Variants in SLC2A13 observed in about 807,000 individuals in gnomAD.
The protein encoded by SLC2A13 is solute carrier family 2 member 13, also known as proton myo-inositol cotransporter.
In SLC2A13, 32 loss-of-function variants were observed where a neutral mutation model predicts 64.4. That is an observed-to-expected ratio of 0.50 (90% CI 0.37 to 0.67). The LOEUF (loss-of-function observed/expected upper bound fraction) is 0.67, where lower values mean the gene tolerates loss of function less well. SLC2A13 is among the 30% of genes least tolerant of loss of function. The pLI is 0.00. For synonymous variants in SLC2A13, 338 were observed against 327.1 expected (o/e 1.03, Z -0.36); for missense variants, 743 against 829.2 (o/e 0.90, Z 1.28).
chr12:39,880,573 A>C (rs924870174), intron 4 of SLC2A13, among the ~76,000 whole-genome samples: 39 of 152,254 alleles, frequency 2.6e-4, no homozygotes, highest in African/African-American at 8.7e-4. Flanking sequence ...AGAAACCTGC[A>C]GAAAGTTTAC....
chr12:39,825,979 T>C (rs1249628156), intron 7 of SLC2A13, among the ~76,000 whole-genome samples: 3 of 152,182 alleles, frequency 2.0e-5, no homozygotes, highest in Admixed American at 2.0e-4. Flanking sequence ...CCAGCTAAAC[T>C]AGAAGGGGTG....
chr12:39,773,379 C>T (rs781484488), intron 7 of SLC2A13, among the ~76,000 whole-genome samples: 1 of 152,186 alleles, frequency 6.6e-6, no homozygotes, highest in African/African-American at 2.4e-5. Context: ...AATCGGTTCC[C>T]TGTTCCAATC....
At chr12:39,951,232 T>TA (rs751360540) in intron 4 of SLC2A13, 25 bp downstream of exon 4, 1 of 1,588,894 alleles carries the variant, frequency 6.3e-7, no homozygotes, top group Non-Finnish European at 8.6e-7. Context: ...ATCTTTTCAG[T>TA]AAAAAGCCAG....
intron 3 of SLC2A13, among the ~76,000 whole-genome samples, chr12:39,978,482 G>A (rs189032285): frequency 0.019 from 2,881 of 152,330 alleles, 35 homozygotes; most frequent in Middle Eastern, 0.044. Flanking sequence ...TGCGCGAGCC[G>A]AAGCAGGGCG....
At chr12:39,889,614 C>A (rs1944552698) in intron 4 of SLC2A13, among the ~76,000 whole-genome samples, 1 of 147,244 alleles carries the variant, frequency 6.8e-6, no homozygotes, top group African/African-American at 2.5e-5. Context: ...CACACCACAA[C>A]CTCTGCCTCC....
chr12:39,863,617 T>C (rs1943821318), intron 6 of SLC2A13, among the ~76,000 whole-genome samples: 2 of 152,164 alleles, frequency 1.3e-5, no homozygotes, highest in African/African-American at 4.8e-5. Context: ...GAGGCAGATG[T>C]CCAAATAAAG....
chr12:40,078,006 C>T (rs1938245212), intron 1 of SLC2A13, among the ~76,000 whole-genome samples: 1 of 152,078 alleles, frequency 6.6e-6, no homozygotes, highest in South Asian at 2.1e-4. Flanking sequence ...GATTTTGTAT[C>T]CTAAAACTTT....
chr12:39,964,663 G>A (rs888275551), intron 3 of SLC2A13, among the ~76,000 whole-genome samples: 1 of 152,204 alleles, frequency 6.6e-6, no homozygotes, highest in African/African-American at 2.4e-5. Flanking sequence ...GTCACCATAT[G>A]CAAGAGGGTT....
intron 1 of SLC2A13, among the ~76,000 whole-genome samples, chr12:40,074,433 T>A (rs1181098023): frequency 6.6e-6 from 1 of 152,076 alleles, no homozygotes; most frequent in African/African-American, 2.4e-5. Context: ...TCCCATAGCA[T>A]TGGGATTACA....
Position 40,064,288 on chromosome 12 carries a change from T to C in SLC2A13, c.557-16078A>G, listed in dbSNP as rs555974140. On this transcript the variant is annotated intron_variant, in intron 1 of 9. Coordinates refer to ENST00000280871, the MANE Select transcript of SLC2A13 (RefSeq NM_052885.4). ...ATATTATGTGTATTGTGTATACATA[T>C]ATATTAATATGTATACTCACGCATA... is the stretch of plus-strand genomic sequence containing the variant. 2.6e-5 allele frequency among the ~76,000 whole-genome samples: 4 copies of C among 152,180 alleles called. No individual in the cohort carries two copies. The East Asian group carries it at 7.7e-4, about 29-fold the overall frequency.
intron 3 of SLC2A13, among the ~76,000 whole-genome samples, chr12:39,980,084 G>A (rs1449365066): frequency 3.3e-5 from 5 of 151,884 alleles, no homozygotes; most frequent in African/African-American, 1.2e-4. Flanking sequence ...AGCTTCATAA[G>A]TGAAGGAGAA....
At chr12:39,978,464 G>T (rs892498702) in intron 3 of SLC2A13, among the ~76,000 whole-genome samples, 3 of 150,962 alleles carry the variant, frequency 2.0e-5, no homozygotes, top group Non-Finnish European at 4.5e-5. Flanking sequence ...CAGTGGGTGC[G>T]CGCACCGTGC....
chr12:39,901,597 A>G (rs1370835345), intron 4 of SLC2A13, among the ~76,000 whole-genome samples: 7 of 125,196 alleles, frequency 5.6e-5, no homozygotes, highest in African/African-American at 2.1e-4. Flanking sequence ...AAAAATGCTC[A>G]TCATCACTGG....
chr12:39,860,366 G>A (rs1345868153), intron 6 of SLC2A13, among the ~76,000 whole-genome samples: 2 of 152,140 alleles, frequency 1.3e-5, no homozygotes, highest in African/African-American at 4.8e-5. Flanking sequence ...AACTACTAGT[G>A]GTTTACAAAT....
intron 3 of SLC2A13, among the ~76,000 whole-genome samples, chr12:40,006,100 T>C (rs1351994632): frequency 8.6e-6 from 1 of 115,948 alleles, no homozygotes; most frequent in Non-Finnish European, 2.0e-5. Context: ...TGAGTATAAA[T>C]TAATAACCCC....
intron 7 of SLC2A13, 114 bp downstream of exon 7, chr12:39,829,989 G>T: frequency 7.7e-7 from 1 of 1,294,276 alleles, no homozygotes; most frequent in Non-Finnish European, 1.1e-6. Flanking sequence ...AAGTAATGTA[G>T]TTATGAAGGC....
At chr12:39,761,262 T>C (rs1203092330) in intron 9 of SLC2A13, among the ~76,000 whole-genome samples, 1 of 151,604 alleles carries the variant, frequency 6.6e-6, no homozygotes, top group Non-Finnish European at 1.5e-5. Flanking sequence ...TAAGGGGGCT[T>C]CTCAGCTCCT....
chr12:39,954,753 C>T (rs1323883191), intron 3 of SLC2A13, among the ~76,000 whole-genome samples: 1 of 151,968 alleles, frequency 6.6e-6, no homozygotes, highest in African/African-American at 2.4e-5. Context: ...TAAGAATGCA[C>T]AAAGGCAGGA....
intron 2 of SLC2A13, among the ~76,000 whole-genome samples, chr12:40,037,527 G>A (rs1488517544): frequency 6.6e-6 from 1 of 151,360 alleles, no homozygotes; most frequent in Non-Finnish European, 1.5e-5. Flanking sequence ...GTTGAGCTGG[G>A]AGGATCCCTT....
Sources: gnomAD v4.1 joint callset for allele counts (sites outside exome capture counted in the v4.1 genomes callset) on GRCh38, gnomAD v4.1.1 for gene constraint, MANE v1.5 for transcripts, NCBI Gene and HGNC (gene_info 2026-07-23, HGNC 2026-07-21) for gene names.